The following AKAP19 variants were observed in gnomAD, a reference collection of about 807,000 sequenced individuals.
The protein encoded by AKAP19 is small A-kinase anchoring protein.
the AKAP19 span, chr2:190,060,361 T>C: frequency 6.2e-7 from 1 of 1,612,012 alleles, no homozygotes; most frequent in Non-Finnish European, 8.5e-7. Context: ...TTTACTACTT[T>C]ATTGTATTGT....
At chr2:190,059,966 A>G in the AKAP19 span, 1 of 1,323,372 alleles carries the variant, frequency 7.6e-7, no homozygotes, top group Non-Finnish European at 1.1e-6. Flanking sequence ...CTAGCTTATG[A>G]GCTTAGGGAA....
chr2:190,116,938 C>A, the AKAP19 span, among the ~76,000 whole-genome samples: 2 of 152,164 alleles, frequency 1.3e-5, no homozygotes. Context: ...TGAAGAGAGG[C>A]AGTATAGCCT....
At chr2:190,143,815 T>A in the AKAP19 span, among the ~76,000 whole-genome samples, 1 of 149,838 alleles carries the variant, frequency 6.7e-6, no homozygotes, top group African/African-American at 2.5e-5. Context: ...ATGTGGCACA[T>A]ATACACCATG....
chr2:189,982,867 A>C, the AKAP19 span, among the ~76,000 whole-genome samples: 1 of 152,096 alleles, frequency 6.6e-6, no homozygotes, highest in Admixed American at 6.6e-5. Flanking sequence ...ATATGAGCCA[A>C]CGTACTGTTG....
chr2:189,965,758 A>G, the AKAP19 span, among the ~76,000 whole-genome samples: 2 of 152,254 alleles, frequency 1.3e-5, no homozygotes, highest in Non-Finnish European at 2.9e-5. Context: ...TTAAAGAACT[A>G]AAAGTAGAAC....
the AKAP19 span, among the ~76,000 whole-genome samples, chr2:190,116,679 T>C: frequency 6.6e-6 from 1 of 152,234 alleles, no homozygotes; most frequent in Non-Finnish European, 1.5e-5. Flanking sequence ...AGCATGGCTC[T>C]GGGTTTTATA....
chr2:190,059,973 G>T, the AKAP19 span: 1 of 1,382,110 alleles, frequency 7.2e-7, no homozygotes, highest in East Asian at 2.4e-5. Context: ...ATGAGCTTAG[G>T]GAATTTGTAG....
the AKAP19 span, among the ~76,000 whole-genome samples, chr2:190,139,460 T>C: frequency 1.3e-5 from 2 of 152,146 alleles, no homozygotes; most frequent in Admixed American, 6.5e-5. Flanking sequence ...TGTGAAGAAA[T>C]ACCCAAGGCT....
the AKAP19 span, among the ~76,000 whole-genome samples, chr2:190,032,367 A>T: frequency 1.3e-5 from 2 of 152,194 alleles, no homozygotes; most frequent in Non-Finnish European, 2.9e-5. Context: ...GTTAAAATTT[A>T]TCCTGGGTCA....
the AKAP19 span, chr2:190,202,348 G>A: frequency 6.0e-6 from 1 of 167,068 alleles, no homozygotes; most frequent in East Asian, 1.9e-4. Context: ...GTTAACCCAT[G>A]ACATATATGA....
At chr2:189,927,024 T>C in the AKAP19 span, among the ~76,000 whole-genome samples, 2 of 152,034 alleles carry the variant, frequency 1.3e-5, no homozygotes, top group Admixed American at 1.3e-4. Context: ...GCTAGGGCTA[T>C]AGATGCACAC....
chr2:190,087,661 C>T, the AKAP19 span, among the ~76,000 whole-genome samples: 2 of 152,190 alleles, frequency 1.3e-5, no homozygotes, highest in Admixed American at 6.5e-5. Flanking sequence ...GAATCAATGT[C>T]GATCTCTACT....
the AKAP19 span, among the ~76,000 whole-genome samples, chr2:190,001,441 G>A: frequency 6.6e-6 from 1 of 152,074 alleles, no homozygotes; most frequent in African/African-American, 2.4e-5. Flanking sequence ...TTTCCCCCCA[G>A]GAAATGGTTG....
At chr2:190,141,768 T>G in the AKAP19 span, among the ~76,000 whole-genome samples, 2 of 152,326 alleles carry the variant, frequency 1.3e-5, no homozygotes, top group Admixed American at 1.3e-4. Context: ...AAAGGGGGCT[T>G]GCTGCCCAAT....
At chr2:190,002,465 C>T in the AKAP19 span, among the ~76,000 whole-genome samples, 16 of 152,170 alleles carry the variant, frequency 1.1e-4, no homozygotes, top group African/African-American at 3.9e-4. Context: ...ATGGTTGCAG[C>T]ACACCAACAT....
At chr2:189,923,383 C>G in the AKAP19 span, 13 of 1,612,584 alleles carry the variant, frequency 8.1e-6, no homozygotes, top group Middle Eastern at 1.6e-4. Flanking sequence ...CCATGAACTC[C>G]CGTGTATTCA....
At chr2:190,153,052 C>T in the AKAP19 span, among the ~76,000 whole-genome samples, 1 of 152,226 alleles carries the variant, frequency 6.6e-6, no homozygotes, top group Non-Finnish European at 1.5e-5. Flanking sequence ...TCCACCACGA[C>T]GCCCGGCTAA....
At chr2:190,148,846 T>A in the AKAP19 span, among the ~76,000 whole-genome samples, 1 of 152,204 alleles carries the variant, frequency 6.6e-6, no homozygotes, top group African/African-American at 2.4e-5. Context: ...GTGGTGCCAG[T>A]TGTAATATCT....
the AKAP19 span, among the ~76,000 whole-genome samples, chr2:190,045,763 T>C: frequency 1.3e-5 from 2 of 152,200 alleles, no homozygotes; most frequent in African/African-American, 4.8e-5. Context: ...GCAGCCTCAA[T>C]TGAGCCTCTT....
Sources: allele counts gnomAD v4.1 joint callset (sites outside exome capture counted in the v4.1 genomes callset), GRCh38; gene constraint gnomAD v4.1.1; transcripts MANE v1.5; gene names NCBI Gene and HGNC (gene_info 2026-07-23, HGNC 2026-07-21).